Variants in EFL1 observed in about 807,000 individuals in gnomAD.
EFL1 encodes the protein elongation factor like GTPase 1.
In EFL1, 76 loss-of-function variants were observed where a neutral mutation model predicts 126.7. The observed-to-expected ratio is 0.60, with a 90% CI of 0.50 to 0.73. The LOEUF is 0.73. EFL1 is among the 30% of genes least tolerant of loss of function. EFL1 has a pLI of 0.00. For synonymous variants in EFL1, 410 were observed against 448.4 expected, an observed-to-expected ratio of 0.91 and a Z score of 1.08; for missense variants, 1,128 against 1,343.2, an observed-to-expected ratio of 0.84 and a Z score of 2.50.
Position 82,138,836 on chromosome 15 carries a change from A to T in EFL1, c.2996T>A (p.Val999Asp). 6.2e-7 allele frequency: 1 copy of T among 1,612,340 alleles called. No individual in the cohort carries two copies. The highest frequency in any genetic ancestry group is 8.5e-7 in the Non-Finnish European group (1 of 1,179,124). ...TTCTCTCTTTGACAAGACAGCATAG[A>T]CTCGACCTGTAAAACCATAAATCTT... ...IMATGDVLGR[V>D]YAVLSKREGR... Residue 999 changes from valine to aspartate, a missense_variant, in exon 19 of 20, where the codon GTC becomes GAC. Physicochemically the swap from Val to Asp is radical, Grantham distance 152 (BLOSUM62 -3). This residue lies in a region of EFL1 where 561 missense variants were observed against 641.7 expected (regional missense o/e 0.87). Coordinates refer to ENST00000268206, the MANE Select transcript of EFL1 (RefSeq NM_024580.6).
At chr15:82,253,224 G>A (rs1224017488) in intron 3 of EFL1, among the ~76,000 whole-genome samples, 1 of 152,120 alleles carries the variant, frequency 6.6e-6, no homozygotes, top group East Asian at 1.9e-4. Context: ...ATTTTTAGTA[G>A]AGACAGGGTT....
At chr15:82,202,046 C>T (rs2074474372) in intron 15 of EFL1, among the ~76,000 whole-genome samples, 1 of 152,072 alleles carries the variant, frequency 6.6e-6, no homozygotes. Context: ...TGCCTTGGTT[C>T]TCAGAAAAAC....
In EFL1 at chr15:82,157,721, T is replaced by G. The variant is rs2073982599; in HGVS notation, c.2022A>C (p.Leu674Phe). Residue 674 changes from leucine to phenylalanine, a missense_variant, in exon 17 of 20, where the codon TTA becomes TTC. Physicochemically the swap from Leu to Phe is conservative, Grantham distance 22. Around this residue, in one of 6 missense-constraint regions of EFL1, gnomAD observed 561 missense variants for 641.7 expected, o/e 0.87. Transcript: ENST00000268206. ...TATCATTTTCACCTAACCTTTCTTT[T>G]AAGTCATCCAGGCATCGCTGAAGGT... ...EVHLQRCLDD[L>F]KERFAKIHIS... The G allele has an allele frequency of 3.1e-6, 5 of 1,612,046 alleles. No homozygotes were observed. Among genetic ancestry groups the G allele is most frequent in the Non-Finnish European group, 3.4e-6 (4 of 1,178,898 alleles).
chr15:82,202,502 T>C (rs1368790508), intron 15 of EFL1, among the ~76,000 whole-genome samples: 1 of 152,194 alleles, frequency 6.6e-6, no homozygotes, highest in Non-Finnish European at 1.5e-5. Context: ...TTTTGCTTTT[T>C]GATATTTTTT....
At chr15:82,221,689 C>G (rs1336008464) in intron 12 of EFL1, among the ~76,000 whole-genome samples, 1 of 152,212 alleles carries the variant, frequency 6.6e-6, no homozygotes, top group African/African-American at 2.4e-5. Context: ...ATCCTTGAGC[C>G]TGGCTTGGTC....
intron 4 of EFL1, 40 bp from the exon 5 acceptor site, chr15:82,241,443 G>C: frequency 1.3e-6 from 2 of 1,591,704 alleles, no homozygotes; most frequent in Non-Finnish European, 1.7e-6. Context: ...CAGTTGTCCA[G>C]GTACACAATG....
At chr15:82,152,463 CAAAATAGCATCAAAGCTCCTGTGTAG>C (rs1377749979) in intron 17 of EFL1, 40 bp from the exon 18 acceptor site, 1 of 1,515,254 alleles carries the variant, frequency 6.6e-7, no homozygotes, top group Non-Finnish European at 8.9e-7. Context: ...AGGTTAAAAT[CAAAATAGCATCAAAGCTCCTGTGTAG>C]AAATTACTAC....
chr15:82,198,874 T>C (rs1383260669), intron 15 of EFL1, among the ~76,000 whole-genome samples: 1 of 152,318 alleles, frequency 6.6e-6, no homozygotes, highest in Non-Finnish European at 1.5e-5. Flanking sequence ...ACAAATAATT[T>C]GGAAGACTAA....
intron 19 of EFL1, among the ~76,000 whole-genome samples, chr15:82,134,280 C>T (rs2073695967): frequency 6.6e-6 from 1 of 152,116 alleles, no homozygotes; most frequent in South Asian, 2.1e-4. Context: ...AAAGACAAGG[C>T]TACCCTTTTA....
chr15:82,241,333 G>T lies in EFL1; in HGVS notation c.315C>A (p.Thr105=). The T allele has an allele frequency of 6.2e-7, 1 of 1,613,914 alleles. No individual in the cohort carries two copies. The highest frequency in any genetic ancestry group is 8.5e-7 in the Non-Finnish European group (1 of 1,179,870). Residue 105 remains threonine, a synonymous_variant, in exon 5 of 20, where the codon ACC becomes ACA. Transcript: ENST00000268206. ...GHVDFSSEVS[T]AVRICDGCII... The stretch of plus-strand genomic sequence containing the variant: ...TGCATCCATCACAAATGCGAACAGC[G>T]GTTGATACTTCTGAGGAAAAGTCCA...
At chr15:82,208,441 A>G (rs1396928001) in intron 15 of EFL1, among the ~76,000 whole-genome samples, 3 of 152,198 alleles carry the variant, frequency 2.0e-5, no homozygotes. Context: ...TTTAAATTTA[A>G]GTAAGTGAAT....
intron 12 of EFL1, among the ~76,000 whole-genome samples, chr15:82,220,980 C>T (rs1264440810): frequency 6.6e-6 from 1 of 152,110 alleles, no homozygotes; most frequent in Admixed American, 6.5e-5. Flanking sequence ...GGACTTGGCT[C>T]CCTTCCCACG....
At chr15:82,225,348 G>A in intron 11 of EFL1, 84 bp from the exon 12 acceptor site, 2 of 1,062,108 alleles carry the variant, frequency 1.9e-6, no homozygotes, top group Non-Finnish European at 2.6e-6. Context: ...CAATTAAAAT[G>A]TTTAGAACAT....
At chr15:82,221,433 C>T (rs1446656091) in intron 12 of EFL1, among the ~76,000 whole-genome samples, 1 of 152,176 alleles carries the variant, frequency 6.6e-6, no homozygotes, top group Non-Finnish European at 1.5e-5. Context: ...CTTTCTATTT[C>T]ACGTAAGCTA....
chr15:82,229,944 A>G (rs1567072136), intron 8 of EFL1, among the ~76,000 whole-genome samples: 1 of 152,258 alleles, frequency 6.6e-6, no homozygotes, highest in Non-Finnish European at 1.5e-5. Flanking sequence ...TAACTGAGAT[A>G]AAAGTCATAG....
At chr15:82,209,052 C>A (rs2074555561) in intron 15 of EFL1, among the ~76,000 whole-genome samples, 3 of 152,012 alleles carry the variant, frequency 2.0e-5, no homozygotes, top group Non-Finnish European at 4.4e-5. Flanking sequence ...TCAGTTGAAA[C>A]TCTTAAAACT....
At chr15:82,196,540 G>A (rs527442445) in intron 15 of EFL1, among the ~76,000 whole-genome samples, 3 of 152,316 alleles carry the variant, frequency 2.0e-5, no homozygotes, top group African/African-American at 7.2e-5. Context: ...AGCAATGGCT[G>A]GGATAGTGTA....
chr15:82,186,701 T>C (rs2074307295), intron 15 of EFL1, among the ~76,000 whole-genome samples: 1 of 152,214 alleles, frequency 6.6e-6, no homozygotes, highest in Admixed American at 6.5e-5. Flanking sequence ...GAGCCGACAG[T>C]TTTCCTTTTC....
chr15:82,162,956 T>C (rs2074038855), intron 16 of EFL1, among the ~76,000 whole-genome samples: 1 of 152,192 alleles, frequency 6.6e-6, no homozygotes, highest in Admixed American at 6.5e-5. Flanking sequence ...AGCACTGGAA[T>C]AGCAAAGTCA....
Sources: gnomAD v4.1 joint callset for allele counts (sites outside exome capture counted in the v4.1 genomes callset) on GRCh38, gnomAD v4.1.1 for gene constraint, gnomAD v4.1.1 regional missense constraint, MANE v1.5 for transcripts, NCBI Gene and HGNC (gene_info 2026-07-23, HGNC 2026-07-21) for gene names.